Variants in ITGAM observed in about 807,000 individuals in gnomAD.
ITGAM encodes integrin subunit alpha M.
Under a neutral mutation model 137.5 loss-of-function variants are expected in ITGAM, and 79 were observed. That is an observed-to-expected ratio of 0.57 (90% CI 0.48 to 0.69). The LOEUF is 0.69. ITGAM is among the 30% of genes least tolerant of loss of function. The pLI is 0.00. For missense variants in ITGAM, 1,343 were observed against 1,483.5 expected (o/e 0.91, Z 1.56); for synonymous variants, 583 against 592.3 (o/e 0.98, Z 0.23).
rs2079757834 is a variant in ITGAM, at chr16:31,265,677, C to G, written c.239-134C>G. 1.8e-5 allele frequency: 15 copies of G among 835,636 alleles called. No homozygotes were observed. In the South Asian group the frequency reaches 2.4e-4, roughly 13 times the overall value. 51.8% of individuals were successfully genotyped at this position (835,636 alleles called of 1,614,324 possible). A position where few individuals can be genotyped will look rare whatever the true frequency, so the allele number is the denominator to read the frequency against. On this transcript the variant is annotated intron_variant, in intron 3 of 29. Transcript: ENST00000544665. ...CCAGGCAACCCCTCTGTGTTCCTTT[C>G]TTTCCCAAGATTTAGGATCCCCCTT...
chr16:31,312,773 A>G (rs2080348213), intron 14 of ITGAM, among the ~76,000 whole-genome samples: 1 of 151,710 alleles, frequency 6.6e-6, no homozygotes, highest in African/African-American at 2.4e-5. Context: ...ATTCCCAGAG[A>G]TCTTGATCTG....
At chr16:31,318,691 A>AT (rs921228365) in intron 14 of ITGAM, among the ~76,000 whole-genome samples, 4 of 151,748 alleles carry the variant, frequency 2.6e-5, no homozygotes, top group African/African-American at 9.7e-5. Flanking sequence ...AATTTCATTG[A>AT]TTTTTTTCTA....
chr16:31,281,350 G>C (rs1025924770), intron 12 of ITGAM, among the ~76,000 whole-genome samples: 3 of 152,106 alleles, frequency 2.0e-5, no homozygotes, highest in Non-Finnish European at 4.4e-5. Flanking sequence ...GTCTGGTCCT[G>C]GACTTTTTTT....
At position 31,331,706 on chromosome 16, in the gene ITGAM, A is replaced by G; in HGVS notation, c.3458A>G (p.Ter1153TrpextTer21). The G allele has an allele frequency of 1.9e-6, 3 of 1,600,464 alleles. No individual in the cohort carries two copies. The highest frequency in any genetic ancestry group is 1.1e-5 in the South Asian group (1 of 88,728). ...EGGPPGAEPQ[*>W] The stretch of plus-strand genomic sequence containing the variant: ...GGTCCCCCGGGGGCCGAACCCCAGT[A>G]GCGGCTCCTTCCCGACAGAGCTGCC... Residue 1153 changes from the stop codon to tryptophan (W), a stop_lost, in exon 30 of 30, where the codon TAG becomes TGG. Transcript: ENST00000544665.
chr16:31,331,242 G>T lies in ITGAM; in HGVS notation c.3354G>T (p.Leu1118=). 1 of 1,612,860 alleles carries T rather than the reference G, an allele frequency of 6.2e-7. No individual in the cohort carries two copies. The highest frequency in any genetic ancestry group is 1.1e-5 in the South Asian group (1 of 91,040). ...LIVGSSVGGL[L]LLALITAALY... is the part of the protein sequence containing the mutation. ...TGGGCAGCTCTGTCGGGGGACTGCT[G>T]CTCCTGGCCCTCATCACCGCCGCGC... The change falls in exon 29 of 30, where the codon CTG becomes CTT. Residue 1118 remains leucine, a synonymous_variant. Coordinates refer to ENST00000544665, the MANE Select transcript of ITGAM (RefSeq NM_000632.4).
Position 31,276,977 on chromosome 16 carries a change from T to C in ITGAM, c.1141T>C (p.Tyr381His), listed in dbSNP as rs372291727. ...TGACTGGGCTGGTGGAGTCTTTCTA[T>C]ATACATCAAAGGAGAAAAGCACCTT... ...SYDWAGGVFLYTSKEKSTFIN... is the reference protein window; with the variant it reads ...SYDWAGGVFLHTSKEKSTFIN... The change falls in exon 11 of 30, where the codon TAT becomes CAT. Residue 381 changes from tyrosine to histidine, a missense_variant. Tyr to His is a moderately conservative substitution (Grantham distance 83, BLOSUM62 2). Coordinates refer to ENST00000544665, the MANE Select transcript of ITGAM (RefSeq NM_000632.4). 148 of 1,613,150 alleles carry C rather than the reference T, an allele frequency of 9.2e-5. No homozygotes were observed. Among genetic ancestry groups the C allele is most frequent in the Non-Finnish European group, 1.1e-4 (133 of 1,179,632 alleles).
intron 3 of ITGAM, 114 bp from the exon 4 acceptor site, chr16:31,265,697 C>T (rs2144260335): frequency 1.1e-6 from 1 of 903,082 alleles, no homozygotes; most frequent in East Asian, 2.6e-5. Context: ...ATTTAGGATC[C>T]CCCTTCACCG....
intron 12 of ITGAM, among the ~76,000 whole-genome samples, chr16:31,281,791 AG>A (rs2079972198): frequency 6.6e-6 from 1 of 152,032 alleles, no homozygotes; most frequent in African/African-American, 2.4e-5. Context: ...TTGCTTCTCT[AG>A]TTCTTTTAAT....
intron 12 of ITGAM, among the ~76,000 whole-genome samples, chr16:31,297,134 T>C (rs1373390809): frequency 1.3e-5 from 2 of 152,154 alleles, no homozygotes; most frequent in African/African-American, 4.8e-5. Context: ...TTGACTCTAC[T>C]ATAGGCTTAT....
intron 28 of ITGAM, 25 bp from the exon 29 acceptor site, chr16:31,331,140 C>T (rs1291878006): frequency 2.3e-6 from 3 of 1,291,986 alleles, no homozygotes; most frequent in Non-Finnish European, 3.4e-6. Context: ...GTCGTCTCCC[C>T]TGACGCCCCT....
At chr16:31,296,357 C>T (rs1353165425) in intron 12 of ITGAM, among the ~76,000 whole-genome samples, 2 of 151,782 alleles carry the variant, frequency 1.3e-5, no homozygotes, top group African/African-American at 4.8e-5. Context: ...AGGTGATCCA[C>T]ACGCCCTGGC....
At chr16:31,308,742 T>C (rs2080292217) in intron 14 of ITGAM, among the ~76,000 whole-genome samples, 1 of 152,262 alleles carries the variant, frequency 6.6e-6, no homozygotes, top group Admixed American at 6.5e-5. Flanking sequence ...AATTGCGATG[T>C]TAGGGTGTCA....
In ITGAM at chr16:31,274,610, A is replaced by ATATT. The variant is rs368294196; in HGVS notation, c.859-921_859-918dup. Among the ~76,000 whole-genome samples, 19 of 149,020 alleles carry ATATT rather than the reference A, an allele frequency of 1.3e-4. No homozygotes were observed. In the South Asian group the frequency reaches 1.7e-3, roughly 13 times the overall value. On this transcript the variant is annotated intron_variant, in intron 8 of 29. Coordinates refer to ENST00000544665, the MANE Select transcript of ITGAM (RefSeq NM_000632.4). ...CTTTATTTGTTTATTTTATTTATTT[A>ATATT]TATTTATTTATTTATTTATTTTGAG...
At chr16:31,329,080 T>TTC in intron 23 of ITGAM, 148 bp from the exon 24 acceptor site, 2 of 104,438 alleles carry the variant, frequency 1.9e-5, no homozygotes, top group Non-Finnish European at 3.8e-5. Context: ...GGTTCCCCCA[T>TTC]CCCCCTGCAC....
Position 31,296,383 on chromosome 16 carries a change from G to A in ITGAM, c.1357-1131G>A, listed in dbSNP as rs186802361. ...ACGCCCTGGCCTCCCAAAATGCTGG[G>A]ATTACAGGCATGAGCCACTGCATCT... On this transcript the variant is annotated intron_variant, in intron 12 of 29. Transcript: ENST00000544665. Among the ~76,000 whole-genome samples, 15 of 152,010 alleles carry A rather than the reference G, an allele frequency of 9.9e-5. No homozygotes were observed. The East Asian group carries it at 2.7e-3, about 27-fold the overall frequency.
chr16:31,295,658 G>A (rs572593972), intron 12 of ITGAM, among the ~76,000 whole-genome samples: 1 of 150,872 alleles, frequency 6.6e-6, no homozygotes, highest in East Asian at 1.9e-4. Context: ...ATCATTTTAA[G>A]TGTAAACAGA....
rs541400121 is a variant in ITGAM, at chr16:31,325,116, C to T, written c.2363+85C>T. 1.6e-3 allele frequency: 2,420 copies of T among 1,476,698 alleles called. 48 individuals carry two copies. In the South Asian group the frequency reaches 0.024, roughly 15 times the overall value. 91.5% of individuals were successfully genotyped at this position (1,476,698 alleles called of 1,614,324 possible). ...TTCTCCTCCTGGCCCCCAAGGGAGC[C>T]GGGTGTTCCTGGGCTATAAGGTCCG... is the stretch of plus-strand genomic sequence containing the variant. On this transcript the variant is annotated intron_variant, in intron 19 of 29. Coordinates refer to ENST00000544665, the MANE Select transcript of ITGAM (RefSeq NM_000632.4).
At chr16:31,329,051 T>C in intron 23 of ITGAM, 177 bp from the exon 24 acceptor site, 1 of 579,718 alleles carries the variant, frequency 1.7e-6, no homozygotes, top group Non-Finnish European at 3.2e-6. Flanking sequence ...GGGCACGCAC[T>C]GTGTGTCCAG....
chr16:31,298,675 CCA>C (rs1217983095), intron 14 of ITGAM, among the ~76,000 whole-genome samples: 2 of 152,202 alleles, frequency 1.3e-5, no homozygotes, highest in Non-Finnish European at 2.9e-5. Flanking sequence ...ATGCGGTTGG[CCA>C]CCTTACGGGA....
Sources: gnomAD v4.1 joint callset for allele counts (sites outside exome capture counted in the v4.1 genomes callset) on GRCh38, gnomAD v4.1.1 for gene constraint, MANE v1.5 for transcripts, NCBI Gene and HGNC (gene_info 2026-07-23, HGNC 2026-07-21) for gene names.